Variants in UGT2A2 observed in about 807,000 individuals in gnomAD.
UGT2A2 encodes UDP-glucuronosyltransferase 2A2.
A neutral mutation model predicts 50.7 loss-of-function variants in UGT2A2; 60 were observed. The observed-to-expected ratio is 1.18, with a 90% CI of 0.96 to 1.47. The LOEUF (loss-of-function observed/expected upper bound fraction) is 1.47. Among genes scored for constraint, UGT2A2 ranks in the 40% most tolerant of loss-of-function variants. UGT2A2 has a pLI of 0.00. For synonymous variants in UGT2A2, 242 were observed against 214.6 expected (o/e 1.13, Z -1.11); for missense variants, 762 against 634.0 (o/e 1.20, Z -2.17).
chr4:69,594,286 C>T (rs1297228742), intron 5 of UGT2A2, among the ~76,000 whole-genome samples, 191 bp downstream of exon 5: 1 of 151,908 alleles, frequency 6.6e-6, no homozygotes, highest in Admixed American at 6.6e-5. Flanking sequence ...TATTTGAAGT[C>T]TTAGGATTTT....
rs945091240 is a variant in UGT2A2 at position 69,589,246 on chromosome 4, T to C, written c.*126A>G. The C allele has an allele frequency of 6.4e-6, 8 of 1,242,792 alleles. No individual in the cohort carries two copies. The highest frequency in any genetic ancestry group is 1.5e-5 in the African/African-American group (1 of 65,992). 77.0% of individuals were successfully genotyped at this position (1,242,792 alleles called of 1,614,324 possible). ...AGTAGGCTTATCGCAGGTAGAGAAATAGAAAATTTGGAAACAGGATGGGAG... is the reference window on the plus strand; with the variant it reads ...AGTAGGCTTATCGCAGGTAGAGAAACAGAAAATTTGGAAACAGGATGGGAG... On this transcript the variant is annotated 3_prime_UTR_variant, in exon 6 of 6. Coordinates refer to ENST00000604629, the MANE Select transcript of UGT2A2 (RefSeq NM_001105677.2).
rs761930100 is a variant in UGT2A2, at chr4:69,599,236, G to T, written c.891+10C>A. ...GAAGAGCATAAAATCCTCCACTGTT[G>T]TAGACCTACCTTAGGTAAAGGTTTG... On this transcript the variant is annotated intron_variant, in intron 2 of 5. Transcript: ENST00000604629. The T allele has an allele frequency of 1.2e-5, 19 of 1,612,056 alleles. No individual in the cohort carries two copies. Among genetic ancestry groups the T allele is most frequent in the Non-Finnish European group, 1.6e-5 (19 of 1,179,434 alleles).
At chr4:69,634,112 A>G (rs890679808) in intron 1 of UGT2A2, among the ~76,000 whole-genome samples, 7 of 151,864 alleles carry the variant, frequency 4.6e-5, no homozygotes, top group Admixed American at 2.6e-4. Context: ...GGGCTTGGTG[A>G]CCGGCGCCTG....
intron 1 of UGT2A2, among the ~76,000 whole-genome samples, chr4:69,624,528 T>C (rs988705041): frequency 6.6e-6 from 1 of 151,372 alleles, no homozygotes; most frequent in African/African-American, 2.4e-5. Flanking sequence ...CCTCATCTCT[T>C]TTTTGTTCTT....
intron 1 of UGT2A2, among the ~76,000 whole-genome samples, chr4:69,618,748 T>C (rs980716740): frequency 3.3e-5 from 5 of 151,984 alleles, no homozygotes; most frequent in African/African-American, 1.2e-4. Flanking sequence ...TAGAAAAGCC[T>C]TAAGTATACT....
chr4:69,595,205 G>C lies in UGT2A2; in HGVS notation c.1068C>G (p.Asn356Lys), dbSNP rs541627076. 6.2e-7 allele frequency: 1 copy of C among 1,613,786 alleles called. No individual in the cohort carries two copies. The highest frequency in any genetic ancestry group is 1.3e-5 in the African/African-American group (1 of 75,002). ...GTATCCAATCAAAGAGCTGAGTATT[G>C]TTTCCTAATGTGGCTGGTTTCTTTC... is the stretch of plus-strand genomic sequence containing the variant. Reference protein sequence around the residue: ...YKGKKPATLGNNTQLFDWIPQ... With the variant: ...YKGKKPATLGKNTQLFDWIPQ... Residue 356 changes from asparagine (N) to lysine (K), a missense_variant, in exon 4 of 6, where the codon AAC becomes AAG. Transcript: ENST00000604629.
In UGT2A2 at chr4:69,589,099, G is replaced by T. The variant is rs1718427746; in HGVS notation, c.*273C>A. On this transcript the variant is annotated 3_prime_UTR_variant, in exon 6 of 6. Transcript: ENST00000604629. ...ATGAATAGAACATATTTAAAATTAG[G>T]TAGTATCCTTGTGTCAGAAAAGTGA... The T allele has an allele frequency of 3.6e-6, 1 of 277,780 alleles. No homozygotes were observed. The highest frequency in any genetic ancestry group is 6.9e-5 in the East Asian group (1 of 14,490). 17.2% of individuals were successfully genotyped at this position (277,780 alleles called of 1,614,324 possible). A position where few individuals can be genotyped will look rare whatever the true frequency, so the allele number is the denominator to read the frequency against.
chr4:69,638,561 C>T (rs773819650), intron 1 of UGT2A2, among the ~76,000 whole-genome samples: 5 of 152,008 alleles, frequency 3.3e-5, no homozygotes, highest in African/African-American at 7.2e-5. Flanking sequence ...TGTATCACCT[C>T]GAAAATATTT....
chr4:69,635,847 A>AAAAAAAAAAT (rs1351077445), intron 1 of UGT2A2: 2 of 136,890 alleles, frequency 1.5e-5, no homozygotes, highest in South Asian at 3.9e-4. Flanking sequence ...AAAAAAAAAA[A>AAAAAAAAAAT]AAAGAGAGAG....
At chr4:69,632,645 T>C (rs1286192708) in intron 1 of UGT2A2, among the ~76,000 whole-genome samples, 1 of 152,046 alleles carries the variant, frequency 6.6e-6, no homozygotes, top group African/African-American at 2.4e-5. Flanking sequence ...ATCCCAGCAC[T>C]TTGGGAGGCA....
intron 1 of UGT2A2, among the ~76,000 whole-genome samples, chr4:69,613,085 A>T (rs1031984897): frequency 6.6e-5 from 10 of 151,992 alleles, no homozygotes; most frequent in African/African-American, 2.4e-4. Flanking sequence ...ATGAATAGAC[A>T]CTTCACAAAA....
At chr4:69,620,690 G>A (rs1261343023) in intron 1 of UGT2A2, among the ~76,000 whole-genome samples, 1 of 146,888 alleles carries the variant, frequency 6.8e-6, no homozygotes, top group Admixed American at 6.8e-5. Context: ...CCAAGGCAAT[G>A]CTAAACAAAA....
chr4:69,639,264 G>A lies in UGT2A2; in HGVS notation c.377C>T (p.Thr126Ile), dbSNP rs1006582116. 13 of 1,613,580 alleles carry A rather than the reference G, an allele frequency of 8.1e-6. No homozygotes were observed. Among genetic ancestry groups the A allele is most frequent in the African/African-American group, 1.3e-5 (1 of 74,918 alleles). Residue 126 changes from threonine to isoleucine, a missense_variant, in exon 1 of 6, where the codon ACT becomes ATT. Physicochemically the swap from Thr to Ile is moderately conservative, Grantham distance 89. Transcript: ENST00000604629. ...FYKELGKLLD[T>I]FFQINIQLCD... ...GAGTTGTATGTTAATTTGAAAGAAA[G>A]TGTCTAGAAGTTTTCCTAGTTCTTT...
chr4:69,627,841 A>G lies in UGT2A2; in HGVS notation c.742+11058T>C, dbSNP rs987686123. Among the ~76,000 whole-genome samples the G allele has an allele frequency of 1.6e-4, 25 of 152,060 alleles. 1 individual carries two copies. Among genetic ancestry groups the G allele is most frequent in the Admixed American group, 1.4e-3 (22 of 15,226 alleles). ...GGAGGGATAAATAGAAAATTTATAAATGTCATAGACAATATTACAGGTTAA... is the reference window on the plus strand; with the variant it reads ...GGAGGGATAAATAGAAAATTTATAAGTGTCATAGACAATATTACAGGTTAA... On this transcript the variant is annotated intron_variant, in intron 1 of 5. Coordinates refer to ENST00000604629, the MANE Select transcript of UGT2A2 (RefSeq NM_001105677.2).
chr4:69,607,266 G>A (rs79471843), intron 1 of UGT2A2, among the ~76,000 whole-genome samples: 117,016 of 147,616 alleles, frequency 0.79, 46,533 homozygotes, highest in African/African-American at 0.86. Context: ...ATAATGCTGC[G>A]TATCTACAAC....
intron 1 of UGT2A2, among the ~76,000 whole-genome samples, chr4:69,605,035 A>G (rs1719523827): frequency 7.3e-6 from 1 of 136,508 alleles, no homozygotes; most frequent in African/African-American, 3.0e-5. Flanking sequence ...TAACAAGTAT[A>G]TCCAGGAATT....
intron 2 of UGT2A2, among the ~76,000 whole-genome samples, chr4:69,598,982 C>T (rs1157813414): frequency 6.6e-6 from 1 of 152,130 alleles, no homozygotes; most frequent in Non-Finnish European, 1.5e-5. Flanking sequence ...TTTTCTGTCC[C>T]ACCAAGTCCA....
At chr4:69,628,237 T>G (rs1721195266) in intron 1 of UGT2A2, among the ~76,000 whole-genome samples, 1 of 151,666 alleles carries the variant, frequency 6.6e-6, no homozygotes, top group Non-Finnish European at 1.5e-5. Flanking sequence ...CACTGGCATT[T>G]TTTTAAAGAA....
intron 1 of UGT2A2, among the ~76,000 whole-genome samples, chr4:69,631,694 C>T (rs1463477072): frequency 6.6e-6 from 1 of 152,066 alleles, no homozygotes; most frequent in Non-Finnish European, 1.5e-5. Flanking sequence ...CACTAATTAT[C>T]CCAGCTGACA....
Sources: allele counts gnomAD v4.1 joint callset (sites outside exome capture counted in the v4.1 genomes callset), GRCh38; gene constraint gnomAD v4.1.1; transcripts MANE v1.5; gene names NCBI Gene and HGNC (gene_info 2026-07-23, HGNC 2026-07-21).